FRMPD4: variants seen among roughly 807,000 people sequenced by gnomAD.
FRMPD4 encodes FERM and PDZ domain containing 4.
A neutral mutation model predicts 94.1 loss-of-function variants in FRMPD4; 22 were observed. That is an observed-to-expected ratio of 0.23 (90% confidence interval 0.17 to 0.33). The LOEUF is 0.33. Among genes scored for constraint, FRMPD4 ranks in the 10% least tolerant of loss-of-function variants. The probability of loss-of-function intolerance (pLI) is 1.00; values close to 1 mark genes in which losing one functional copy is unlikely to be tolerated. For missense variants in FRMPD4, 1,111 were observed against 1,339.9 expected (o/e 0.83, Z 2.67); for synonymous variants, 631 against 548.6 (o/e 1.15, Z -2.10).
At position 12,619,267 on chromosome X, in the gene FRMPD4, C is replaced by A. The variant is rs2059265661; in HGVS notation, c.422+4386C>A. On this transcript the variant is annotated intron_variant, in intron 4 of 16. Transcript: ENST00000675598. ...ACATGTCACCCCTTCTATACTAATA[C>A]CCTGGGAATTGGAGAGCTTTCCTGG... 2.7e-5 allele frequency among the ~76,000 whole-genome samples: 3 copies of A among 111,965 alleles called. No homozygotes were observed. In the Admixed American group the frequency reaches 2.8e-4, roughly 11 times the overall value.
intron 1 of FRMPD4, among the ~76,000 whole-genome samples, chrX:12,233,544 T>C (rs749070361): frequency 1.8e-5 from 2 of 111,794 alleles, no homozygotes; most frequent in South Asian, 7.6e-4. Context: ...TACTTCCTTT[T>C]GTTCTTTCAA....
intron 1 of FRMPD4, among the ~76,000 whole-genome samples, chrX:12,332,479 G>C (rs1158533247): frequency 2.7e-5 from 3 of 109,901 alleles, no homozygotes; most frequent in African/African-American, 9.9e-5. Flanking sequence ...AGTTGATCAA[G>C]TGTGCTCATT....
chrX:12,655,226 A>T lies in FRMPD4; in HGVS notation c.423-19637A>T, dbSNP rs927807494. ...CTTTAGAAATCAGATTGTTTTAAAA[A>T]ATATAATATTTTCTTTATTTTAGGG... On this transcript the variant is annotated intron_variant, in intron 4 of 16. Transcript: ENST00000675598. 2.7e-5 allele frequency among the ~76,000 whole-genome samples: 3 copies of T among 112,614 alleles called. No individual in the cohort carries two copies. In the East Asian group the frequency reaches 8.3e-4, roughly 31 times the overall value.
At position 12,359,472 on chromosome X, in the gene FRMPD4, C is replaced by CTT. The variant is rs34380413; in HGVS notation, c.42-139196_42-139195dup. On this transcript the variant is annotated intron_variant, in intron 1 of 16. Coordinates refer to ENST00000675598, the MANE Select transcript of FRMPD4 (RefSeq NM_001368397.1). The stretch of plus-strand genomic sequence containing the variant: ...TCATTCTTTTTTTGTTTTCTTTTTT[C>CTT]TTTTTTTTTTTTTGAAATGGAGTCT... 1.2e-3 allele frequency among the ~76,000 whole-genome samples: 114 copies of CTT among 97,997 alleles called. 1 individual carries two copies. Among genetic ancestry groups the CTT allele is most frequent in the South Asian group, 1.4e-3 (3 of 2,149 alleles). The allele number at this position is 97,997 out of a possible 115,157, so 85.1% of individuals were successfully genotyped here.
At chrX:12,090,865 A>G (rs1463779928) in intron 3 of FRMPD4, among the ~76,000 whole-genome samples, 1 of 112,343 alleles carries the variant, frequency 8.9e-6, no homozygotes, top group Admixed American at 9.4e-5. Context: ...AAACTAACAC[A>G]TCAAATATTA....
chrX:12,533,124 T>G (rs1411593299), intron 2 of FRMPD4, among the ~76,000 whole-genome samples: 2 of 110,591 alleles, frequency 1.8e-5, no homozygotes, highest in Admixed American at 1.9e-4. Flanking sequence ...CAGTGGGAGG[T>G]AAATGAATCA....
chrX:12,034,607 C>T (rs1169442916), intron 3 of FRMPD4, among the ~76,000 whole-genome samples: 2 of 111,595 alleles, frequency 1.8e-5, no homozygotes, highest in Non-Finnish European at 3.8e-5. Context: ...ACTTGGGAGT[C>T]GAGCAGGAAC....
At chrX:12,018,057 A>G (rs1447860726) in intron 3 of FRMPD4, among the ~76,000 whole-genome samples, 1 of 111,524 alleles carries the variant, frequency 9.0e-6, no homozygotes, top group Non-Finnish European at 1.9e-5. Flanking sequence ...TTATAAATTA[A>G]AAAGAGAACC....
At chrX:12,176,506 T>A (rs1021711373) in intron 1 of FRMPD4, among the ~76,000 whole-genome samples, 7 of 112,111 alleles carry the variant, frequency 6.2e-5, no homozygotes, top group African/African-American at 2.3e-4. Flanking sequence ...CTAAATGTGA[T>A]GTTAAAATCT....
Position 12,331,580 on chromosome X carries a change from T to C in FRMPD4, c.42-167100T>C, listed in dbSNP as rs772602547. Among the ~76,000 whole-genome samples, 46 of 88,609 alleles carry C rather than the reference T, an allele frequency of 5.2e-4. 1 individual carries two copies. The South Asian group carries it at 0.021, about 41-fold the overall frequency. 76.9% of individuals were successfully genotyped at this position (88,609 alleles called of 115,157 possible). ...CAATGAAACTCATCTCACTTAGTTA[T>C]ATGAAACGAATCATATATATATATA... On this transcript the variant is annotated intron_variant, in intron 1 of 16. Transcript: ENST00000675598.
At chrX:12,480,899 G>T (rs1224214811) in intron 1 of FRMPD4, among the ~76,000 whole-genome samples, 2 of 112,051 alleles carry the variant, frequency 1.8e-5, no homozygotes, top group African/African-American at 6.5e-5. Context: ...CTTAGCGGTT[G>T]ATCAGTTTTG....
At chrX:11,900,241 GTTGTC>G (rs2053927743) in intron 3 of FRMPD4, among the ~76,000 whole-genome samples, 1 of 110,291 alleles carries the variant, frequency 9.1e-6, no homozygotes, top group Non-Finnish European at 1.9e-5. Context: ...TATCCTCATA[GTTGTC>G]TTGTGTACCT....
rs1441333378 is a variant in FRMPD4, at chrX:11,942,165, A to G, written c.95+64147A>G. 1.6e-4 allele frequency among the ~76,000 whole-genome samples: 18 copies of G among 109,155 alleles called. No homozygotes were observed. The Admixed American group carries it at 1.7e-3, about 11-fold the overall frequency. 94.8% of individuals were successfully genotyped at this position (109,155 alleles called of 115,157 possible). A position where few individuals can be genotyped will look rare whatever the true frequency, so the allele number is the denominator to read the frequency against. ...GCTAGATTTTACATTTTTATGGTAA[A>G]TTTGTTTCAACCTCTTACCCTGGGG... is the stretch of plus-strand genomic sequence containing the variant. On this transcript the variant is annotated intron_variant, in intron 3 of 18. Transcript: ENST00000640291.
At chrX:12,499,819 G>A (rs2057897035) in intron 2 of FRMPD4, among the ~76,000 whole-genome samples, 1 of 111,627 alleles carries the variant, frequency 9.0e-6, no homozygotes, top group South Asian at 3.8e-4. Flanking sequence ...TATTGTTACT[G>A]GTATTGTTAT....
chrX:12,308,636 G>GT (rs2054982410), intron 1 of FRMPD4, among the ~76,000 whole-genome samples: 1 of 111,434 alleles, frequency 9.0e-6, no homozygotes, highest in Non-Finnish European at 1.9e-5. Context: ...AACAGACACT[G>GT]TAGGGGGGTG....
Position 12,655,383 on chromosome X carries a change from G to A in FRMPD4, c.423-19480G>A, listed in dbSNP as rs145724795. 5.1e-3 allele frequency among the ~76,000 whole-genome samples: 564 copies of A among 111,453 alleles called. 5 individuals are homozygous for A. The highest frequency in any genetic ancestry group is 0.017 in the African/African-American group (527 of 30,671). ...ACAATTTAATTCAGCTGGCAGAACT[G>A]TCCCCCTTTAGAATAAGGTAGAGAT... is the stretch of plus-strand genomic sequence containing the variant. On this transcript the variant is annotated intron_variant, in intron 4 of 16. Coordinates refer to ENST00000675598, the MANE Select transcript of FRMPD4 (RefSeq NM_001368397.1).
At chrX:12,221,530 C>T (rs1250214315) in intron 1 of FRMPD4, among the ~76,000 whole-genome samples, 1 of 112,094 alleles carries the variant, frequency 8.9e-6, no homozygotes, top group Non-Finnish European at 1.9e-5. Flanking sequence ...TTACTGTGAG[C>T]TGAAACAGAG....
At chrX:11,850,310 G>A (rs1304820993) in intron 1 of FRMPD4, among the ~76,000 whole-genome samples, 2 of 112,496 alleles carry the variant, frequency 1.8e-5, no homozygotes, top group Admixed American at 9.4e-5. Flanking sequence ...AGCTTTTAGC[G>A]AGGATGTGGA....
intron 2 of FRMPD4, among the ~76,000 whole-genome samples, chrX:12,510,789 A>G (rs1189816034): frequency 2.7e-5 from 3 of 112,527 alleles, no homozygotes; most frequent in African/African-American, 9.7e-5. Context: ...GGATGAAAAC[A>G]AAAGAGCGGA....
Sources: allele counts gnomAD v4.1 joint callset (sites outside exome capture counted in the v4.1 genomes callset), GRCh38; gene constraint gnomAD v4.1.1; transcripts MANE v1.5; gene names NCBI Gene and HGNC (gene_info 2026-07-23, HGNC 2026-07-21).